The following AP2S1 variants were observed in gnomAD, a reference collection of about 807,000 sequenced individuals.
AP2S1 encodes the protein AP-2 complex subunit sigma.
Under a neutral mutation model 21.0 loss-of-function variants are expected in AP2S1, and 6 were observed. The observed-to-expected ratio is 0.29, with a 90% CI of 0.16 to 0.56. The LOEUF (loss-of-function observed/expected upper bound fraction) is 0.56, where lower values mean the gene tolerates loss of function less well. Among genes scored for constraint, AP2S1 ranks in the 20% least tolerant of loss-of-function variants. AP2S1 has a pLI of 0.92. For synonymous variants in AP2S1, 63 were observed against 74.6 expected (o/e 0.84, Z 0.80); for missense variants, 60 against 186.2 (o/e 0.32, Z 3.95).
chr19:46,838,373 G>A lies in AP2S1; in HGVS notation c.*74C>T. ...AGCTGAGGGAAGGACTGCTGGGTTG[G>A]CCACGGGCCTGGGAAGGGGAAGCGA... On this transcript the variant is annotated 3_prime_UTR_variant, in exon 5 of 5. Coordinates refer to ENST00000263270, the MANE Select transcript of AP2S1 (RefSeq NM_004069.6). This position sits in a 1 kb window ranked among gnomAD's most constrained non-coding sequence, Gnocchi z 4.1. 1 of 1,469,772 alleles carries A rather than the reference G, an allele frequency of 6.8e-7. No individual in the cohort carries two copies. The highest frequency in any genetic ancestry group is 1.4e-5 in the African/African-American group (1 of 71,862). The allele number at this position is 1,469,772 out of a possible 1,614,324, so 91.0% of individuals were successfully genotyped here. A position where few individuals can be genotyped will look rare whatever the true frequency, so the allele number is the denominator to read the frequency against.
chr19:46,846,795 A>T (rs1192814265), intron 1 of AP2S1, among the ~76,000 whole-genome samples: 1 of 151,970 alleles, frequency 6.6e-6, no homozygotes, highest in Non-Finnish European at 1.5e-5. Flanking sequence ...TGTCCTGAGT[A>T]GCTGGGACTA....
chr19:46,842,215 C>T (rs1158462424), intron 2 of AP2S1, among the ~76,000 whole-genome samples: 1 of 152,016 alleles, frequency 6.6e-6, no homozygotes, highest in Non-Finnish European at 1.5e-5. Context: ...GGATAGCCCG[C>T]ATCTTCCAGT....
intron 1 of AP2S1, 127 bp downstream of exon 1, chr19:46,850,637 C>T (rs2055721625): frequency 1.1e-6 from 1 of 929,272 alleles, no homozygotes; most frequent in African/African-American, 1.7e-5. Context: ...GGTCCCAATC[C>T]CCAGAGCCCG....
chr19:46,839,671 C>A lies in AP2S1; in HGVS notation c.154-93G>T, dbSNP rs149019742. On this transcript the variant is annotated intron_variant, in intron 2 of 4. Transcript: ENST00000263270. ...AAAACATTCACTCCTTCACTCCATA[C>A]GTGGTCCCGAGGCCCAGCTCTGTGC... 39 of 1,574,648 alleles carry A rather than the reference C, an allele frequency of 2.5e-5. No homozygotes were observed. In the East Asian group the frequency reaches 8.4e-4, roughly 34 times the overall value.
chr19:46,850,031 C>T (rs1250643447), intron 1 of AP2S1: 7 of 1,015,138 alleles, frequency 6.9e-6, no homozygotes, highest in Non-Finnish European at 8.9e-6. Flanking sequence ...AAAGATTCCT[C>T]CCCAGGTCTC....
intron 2 of AP2S1, among the ~76,000 whole-genome samples, chr19:46,843,052 C>T (rs2055555678): frequency 6.6e-6 from 1 of 152,210 alleles, no homozygotes; most frequent in Non-Finnish European, 1.5e-5. Context: ...CCCAACACTT[C>T]CCTCCTGATC....
intron 2 of AP2S1, among the ~76,000 whole-genome samples, chr19:46,841,212 C>T (rs562475915): frequency 1.7e-4 from 26 of 152,272 alleles, no homozygotes; most frequent in African/African-American, 6.0e-4. Flanking sequence ...CCTCTGCCTC[C>T]CAAAGTGCTG....
intron 2 of AP2S1, among the ~76,000 whole-genome samples, chr19:46,841,807 G>T (rs1469596815): frequency 3.3e-5 from 5 of 152,246 alleles, no homozygotes; most frequent in African/African-American, 1.2e-4. Flanking sequence ...ATGAGATGGG[G>T]CGATAATCCT....
At chr19:46,839,857 G>A (rs1401152187) in intron 2 of AP2S1, among the ~76,000 whole-genome samples, 2 of 152,116 alleles carry the variant, frequency 1.3e-5, no homozygotes, top group Non-Finnish European at 2.9e-5. Context: ...GCTTCCTGGA[G>A]GAGGGGGTAT....
intron 1 of AP2S1, among the ~76,000 whole-genome samples, chr19:46,846,441 G>GTTTT (rs1229404009): frequency 2.0e-4 from 21 of 104,664 alleles, no homozygotes; most frequent in Non-Finnish European, 3.0e-4. Flanking sequence ...ATCTCTCTCT[G>GTTTT]TTTTTTTTTT....
At chr19:46,839,439 C>CCCCCAAA in intron 3 of AP2S1, 26 bp downstream of exon 3, 6 of 1,569,640 alleles carry the variant, frequency 3.8e-6, no homozygotes, top group Non-Finnish European at 5.2e-6. Context: ...CCCGCCTCCC[C>CCCCCAAA]ACCTTACATC....
At chr19:46,839,425 C>T (rs376878616) in intron 3 of AP2S1, 40 bp downstream of exon 3, 46 of 643,092 alleles carry the variant, frequency 7.2e-5, no homozygotes, top group Non-Finnish European at 1.2e-4. Context: ...TCCAGGGCTG[C>T]CCACCCGCCT....
rs541382293 is a variant in AP2S1, at chr19:46,838,578, G to A, written c.328-30C>T. Reference sequence around the variant, plus strand: ...GTGAGGGGAGACCCTGGGGTGAGACGAGGCCCCCCAGGATGCTGGCCCGGA... The same window carrying A: ...GTGAGGGGAGACCCTGGGGTGAGACAAGGCCCCCCAGGATGCTGGCCCGGA... On this transcript the variant is annotated intron_variant, in intron 4 of 4. Transcript: ENST00000263270. The surrounding 1 kb of genome is among the most constrained non-coding windows in gnomAD (Gnocchi z 4.1). The A allele has an allele frequency of 6.2e-6, 10 of 1,612,060 alleles. No individual in the cohort carries two copies. In the East Asian group the frequency reaches 6.7e-5, roughly 11 times the overall value.
chr19:46,841,033 A>G (rs1184030077), intron 2 of AP2S1, among the ~76,000 whole-genome samples: 3 of 151,918 alleles, frequency 2.0e-5, no homozygotes, highest in African/African-American at 7.3e-5. Context: ...GGCTCACTGC[A>G]ACCTCTGCCT....
At chr19:46,841,012 G>A (rs920158623) in intron 2 of AP2S1, among the ~76,000 whole-genome samples, 21 of 151,930 alleles carry the variant, frequency 1.4e-4, no homozygotes, top group Admixed American at 3.9e-4. Flanking sequence ...AGAGTGCAGC[G>A]GCGCAATCTT....
chr19:46,849,474 G>A (rs1334633209), intron 1 of AP2S1, among the ~76,000 whole-genome samples: 8 of 152,220 alleles, frequency 5.3e-5, no homozygotes, highest in Admixed American at 4.6e-4. Context: ...ACGTTGGGGG[G>A]CCTACACCAG....
At chr19:46,846,249 G>C in intron 1 of AP2S1, 107 bp from the exon 2 acceptor site, 1 of 1,399,136 alleles carries the variant, frequency 7.1e-7, no homozygotes, top group Middle Eastern at 2.2e-4. Flanking sequence ...AGGGCTCAGG[G>C]CCTCCCTGCT....
In AP2S1 at chr19:46,843,677, C is replaced by T. The variant is rs375043294; in HGVS notation, c.153+2316G>A. ...GGCAGAGGTTGCAGTGAGCTGAGAT[C>T]GCACCACTGCACTCTAGCCTAGGTA... is the stretch of plus-strand genomic sequence containing the variant. On this transcript the variant is annotated intron_variant, in intron 2 of 4. Coordinates refer to ENST00000263270, the MANE Select transcript of AP2S1 (RefSeq NM_004069.6). 5.2e-4 allele frequency among the ~76,000 whole-genome samples: 78 copies of T among 151,276 alleles called. No individual in the cohort carries two copies. In the East Asian group the frequency reaches 9.4e-3, roughly 18 times the overall value.
At chr19:46,850,283 C>G in intron 1 of AP2S1, 1 of 1,235,726 alleles carries the variant, frequency 8.1e-7, no homozygotes, top group Non-Finnish European at 1.0e-6. Context: ...AACATCCCCT[C>G]TCCACCTGCA....
Sources: gnomAD v4.1 joint callset for allele counts (sites outside exome capture counted in the v4.1 genomes callset) on GRCh38, gnomAD v4.1.1 for gene constraint, Gnocchi (gnomAD v3.1) non-coding constraint, MANE v1.5 for transcripts, NCBI Gene and HGNC (gene_info 2026-07-23, HGNC 2026-07-21) for gene names.